ANKRD45: variants seen among roughly 807,000 people sequenced by gnomAD.
ANKRD45 encodes the protein ankyrin repeat domain-containing protein 45.
ANKRD45 carries 21 observed loss-of-function variants against 28.1 expected under a neutral mutation model. That is an observed-to-expected ratio of 0.75 (90% CI 0.53 to 1.08). The LOEUF (loss-of-function observed/expected upper bound fraction) is 1.08. Ranked by LOEUF, ANKRD45 falls within the 50% of genes least tolerant of loss-of-function variation. The pLI is 0.00. For missense variants in ANKRD45, 261 were observed against 308.7 expected, an observed-to-expected ratio of 0.85 and a Z score of 1.16; for synonymous variants, 86 against 103.9, an observed-to-expected ratio of 0.83 and a Z score of 1.05.
chr1:173,640,595 AT>A (rs1571735590), intron 3 of ANKRD45, among the ~76,000 whole-genome samples: 1 of 152,082 alleles, frequency 6.6e-6, no homozygotes, highest in Non-Finnish European at 1.5e-5. Flanking sequence ...TTTGTTATTA[AT>A]GTAACTAAGT....
chr1:173,640,067 A>G (rs1411764126), intron 3 of ANKRD45, among the ~76,000 whole-genome samples: 1 of 152,154 alleles, frequency 6.6e-6, no homozygotes, highest in Non-Finnish European at 1.5e-5. Context: ...CTGTGGACCA[A>G]ATGTCTTCCC....
the ANKRD45 span, among the ~76,000 whole-genome samples, chr1:173,682,979 C>T: frequency 1.3e-5 from 2 of 151,778 alleles, no homozygotes; most frequent in Non-Finnish European, 2.9e-5. Flanking sequence ...CTCCCCTCAC[C>T]ACACCAGCTT....
At chr1:173,659,695 GAAGA>G (rs1484112838) in intron 1 of ANKRD45, among the ~76,000 whole-genome samples, 3 of 152,086 alleles carry the variant, frequency 2.0e-5, no homozygotes, top group African/African-American at 4.8e-5. Flanking sequence ...AGAAACAGGA[GAAGA>G]AAGAGATCAT....
the ANKRD45 span, among the ~76,000 whole-genome samples, chr1:173,702,141 G>A: frequency 6.6e-6 from 1 of 152,190 alleles, no homozygotes; most frequent in African/African-American, 2.4e-5. Flanking sequence ...ACAGCAACAT[G>A]ATCTTGGAGG....
chr1:173,688,449 C>CCTCTACCTCTTCCTCT, the ANKRD45 span, among the ~76,000 whole-genome samples: 2 of 117,598 alleles, frequency 1.7e-5, no homozygotes, highest in Non-Finnish European at 3.4e-5. Context: ...TCTGCCTCTT[C>CCTCTACCTCTTCCTCT]CTCTACCTCT....
chr1:173,691,725 T>C, the ANKRD45 span, among the ~76,000 whole-genome samples: 49 of 152,276 alleles, frequency 3.2e-4, no homozygotes, highest in Admixed American at 1.1e-3. Flanking sequence ...AGACAGAGCT[T>C]GCAGTGAGCT....
In ANKRD45 at chr1:173,659,433, C is replaced by T. The variant is rs1669687454; in HGVS notation, c.-15G>A. 6.6e-7 allele frequency: 1 copy of T among 1,507,688 alleles called. No individual in the cohort carries two copies. The highest frequency in any genetic ancestry group is 1.4e-5 in the African/African-American group (1 of 71,478). 93.4% of individuals were successfully genotyped at this position (1,507,688 alleles called of 1,614,324 possible). A position where few individuals can be genotyped will look rare whatever the true frequency, so the allele number is the denominator to read the frequency against. On this transcript the variant is annotated splice_region_variant and 5_prime_UTR_variant, in exon 2 of 6. An upstream open reading frame in the 5' UTR gains an earlier in-frame stop. Coordinates refer to ENST00000333279, the MANE Select transcript of ANKRD45 (RefSeq NM_198493.3). ...TCTGACTCCATTAACTCCAAAAATACCTATGACCAAAAAAATAAAAAAGTG... is the reference window on the plus strand; with the variant it reads ...TCTGACTCCATTAACTCCAAAAATATCTATGACCAAAAAAATAAAAAAGTG...
At chr1:173,658,032 G>C (rs1265943251) in intron 2 of ANKRD45, 1 of 152,094 alleles carries the variant, frequency 6.6e-6, no homozygotes, top group Non-Finnish European at 1.5e-5. Flanking sequence ...ATGATTTAAA[G>C]TGTGTTCTTG....
At chr1:173,682,684 T>TATACACACACACACAC in the ANKRD45 span, among the ~76,000 whole-genome samples, 2 of 143,940 alleles carry the variant, frequency 1.4e-5, no homozygotes, top group African/African-American at 5.2e-5. Flanking sequence ...GCCTTTTAAA[T>TATACACACACACACAC]ACACACACAC....
At chr1:173,650,228 T>C (rs1311698125) in intron 2 of ANKRD45, among the ~76,000 whole-genome samples, 2 of 152,200 alleles carry the variant, frequency 1.3e-5, no homozygotes, top group African/African-American at 4.8e-5. Context: ...TTACATTAGG[T>C]ATTTCTCCTA....
chr1:173,620,483 G>C (rs573441374), intron 5 of ANKRD45, among the ~76,000 whole-genome samples: 1 of 152,260 alleles, frequency 6.6e-6, no homozygotes, highest in African/African-American at 2.4e-5. Context: ...GGCACTAAAT[G>C]CCCACATCAA....
At chr1:173,617,783 G>C (rs1247070972) in intron 5 of ANKRD45, among the ~76,000 whole-genome samples, 1 of 152,226 alleles carries the variant, frequency 6.6e-6, no homozygotes, top group African/African-American at 2.4e-5. Context: ...AAAGCAGCCA[G>C]ACTGCTTCTT....
chr1:173,671,059 A>G (rs1216602381), upstream of ANKRD45, among the ~76,000 whole-genome samples: 1 of 152,144 alleles, frequency 6.6e-6, no homozygotes, highest in Non-Finnish European at 1.5e-5. Flanking sequence ...AGTCTTCCCC[A>G]ACGTTGCCTA....
the ANKRD45 span, among the ~76,000 whole-genome samples, chr1:173,678,948 A>G: frequency 6.6e-6 from 1 of 152,230 alleles, no homozygotes; most frequent in African/African-American, 2.4e-5. Flanking sequence ...TGCATTCACT[A>G]TTGCTACAAA....
At chr1:173,658,782 A>G (rs1279134331) in intron 2 of ANKRD45, 1 of 208,126 alleles carries the variant, frequency 4.8e-6, no homozygotes, top group East Asian at 1.1e-4. Flanking sequence ...AATCCTCATT[A>G]TACCCTATAA....
chr1:173,638,376 A>G (rs760687258), intron 3 of ANKRD45, among the ~76,000 whole-genome samples: 2 of 152,114 alleles, frequency 1.3e-5, no homozygotes, highest in African/African-American at 2.4e-5. Flanking sequence ...GATTGGGCCT[A>G]TCTAGGATCC....
At chr1:173,685,602 C>T in the ANKRD45 span, among the ~76,000 whole-genome samples, 1 of 152,232 alleles carries the variant, frequency 6.6e-6, no homozygotes, top group South Asian at 2.1e-4. Flanking sequence ...ATCCTAATTG[C>T]CAAAGTTTGT....
In ANKRD45 at chr1:173,608,680, C is replaced by T. The variant is rs949583684; in HGVS notation, c.*1465G>A. Among the ~76,000 whole-genome samples the T allele has an allele frequency of 1.3e-5, 2 of 150,800 alleles. No individual in the cohort carries two copies. Among genetic ancestry groups the T allele is most frequent in the Admixed American group, 6.6e-5 (1 of 15,100 alleles). On this transcript the variant is annotated 3_prime_UTR_variant, in exon 6 of 6. Coordinates refer to ENST00000333279, the MANE Select transcript of ANKRD45 (RefSeq NM_198493.3). The stretch of plus-strand genomic sequence containing the variant: ...GAGGATCACTTGAGTGCAGGAGTTA[C>T]AGGTTACAGTGAGCTATGATCATGA...
intron 5 of ANKRD45, among the ~76,000 whole-genome samples, chr1:173,618,052 G>A (rs10912653): frequency 0.06 from 9,057 of 152,168 alleles, 878 homozygotes; most frequent in African/African-American, 0.2. Context: ...CTACAGAAAA[G>A]TGGCCTGACT....
Sources: allele counts gnomAD v4.1 joint callset (sites outside exome capture counted in the v4.1 genomes callset), GRCh38; gene constraint gnomAD v4.1.1; transcripts MANE v1.5; gene names NCBI Gene and HGNC (gene_info 2026-07-23, HGNC 2026-07-21).